KIAA0825: variants seen among roughly 807,000 people sequenced by gnomAD.
KIAA0825 encodes uncharacterized protein KIAA0825.
KIAA0825 carries 119 observed loss-of-function variants against 147.6 expected under a neutral mutation model. The ratio of observed to expected loss-of-function variants is 0.81; its 90% CI spans 0.69 to 0.94. The LOEUF (loss-of-function observed/expected upper bound fraction) is 0.94. KIAA0825 is among the 40% of genes least tolerant of loss of function. The pLI is 0.00. For missense variants in KIAA0825, 1,381 were observed against 1,472.7 expected (o/e 0.94, Z 1.02); for synonymous variants, 470 against 518.1 (o/e 0.91, Z 1.26).
chr5:94,341,734 TA>T lies in KIAA0825; in HGVS notation c.3710+42633del, dbSNP rs199805646. ...GGATTGCTTTTTCAATCTAGTGAAA[TA>T]AAAAAAAAGGGAGATTTATCTCTTA... On this transcript the variant is annotated intron_variant, in intron 20 of 20. Coordinates refer to ENST00000682413, the MANE Select transcript of KIAA0825 (RefSeq NM_001145678.3). 8.5e-4 allele frequency among the ~76,000 whole-genome samples: 128 copies of T among 150,016 alleles called. 1 individual carries two copies. The East Asian group carries it at 0.016, about 19-fold the overall frequency.
At chr5:94,525,125 T>C (rs541267318) in intron 3 of KIAA0825, among the ~76,000 whole-genome samples, 8 of 151,924 alleles carry the variant, frequency 5.3e-5, no homozygotes, top group African/African-American at 1.9e-4. Flanking sequence ...TCACCAAAAA[T>C]TGACAGCTAT....
At chr5:94,511,179 G>A (rs573452978) in intron 5 of KIAA0825, among the ~76,000 whole-genome samples, 63 of 152,230 alleles carry the variant, frequency 4.1e-4, no homozygotes, top group African/African-American at 1.3e-3. Flanking sequence ...TAATTCTACC[G>A]GTGCCTTGAT....
rs35084160 is a variant in KIAA0825 at position 94,350,886 on chromosome 5, CT to C, written c.3710+33481del. On this transcript the variant is annotated intron_variant, in intron 20 of 20. Coordinates refer to ENST00000682413, the MANE Select transcript of KIAA0825 (RefSeq NM_001145678.3). ...CTGGAACAAGACAAGGATGTCCACT[CT>C]TTTTTTTTTTTTTTTGGAGATGGAG... Among the ~76,000 whole-genome samples, 839 of 139,182 alleles carry C rather than the reference CT, an allele frequency of 6.0e-3. 2 individuals are homozygous for C. Among genetic ancestry groups the C allele is most frequent in the African/African-American group, 0.016 (603 of 38,098 alleles). 91.3% of individuals were successfully genotyped at this position (139,182 alleles called of 152,430 possible).
In KIAA0825 at chr5:94,569,296, T is replaced by G. The variant is rs529698349; in HGVS notation, c.-2+13137A>C. On this transcript the variant is annotated intron_variant, in intron 2 of 20. Coordinates refer to ENST00000682413, the MANE Select transcript of KIAA0825 (RefSeq NM_001145678.3). ...AACCATTATACCCCCTAAATAAATT[T>G]AAAAAAACCATTAAACCTATACAAC... 167 of 312,040 alleles carry G rather than the reference T, an allele frequency of 5.4e-4. 1 individual carries two copies. Among genetic ancestry groups the G allele is most frequent in the African/African-American group, 3.1e-3 (143 of 45,872 alleles). 19.3% of individuals were successfully genotyped at this position (312,040 alleles called of 1,614,324 possible). A position where few individuals can be genotyped will look rare whatever the true frequency, so the allele number is the denominator to read the frequency against.
At chr5:94,441,013 C>A (rs1025907137) in intron 13 of KIAA0825, among the ~76,000 whole-genome samples, 2 of 152,002 alleles carry the variant, frequency 1.3e-5, no homozygotes, top group Admixed American at 6.6e-5. Context: ...GGAAGGTGGA[C>A]TGAGCAATCT....
At chr5:94,469,284 CCT>C (rs1481898717) in intron 10 of KIAA0825, among the ~76,000 whole-genome samples, 5 of 151,942 alleles carry the variant, frequency 3.3e-5, no homozygotes, top group Non-Finnish European at 7.4e-5. Flanking sequence ...CATTCTCCTG[CCT>C]CAGCCTCCTG....
rs1487682152 is a variant in KIAA0825 at position 94,593,090 on chromosome 5, A to T, written c.-152-10507T>A. The T allele has an allele frequency of 6.9e-6, 5 of 723,730 alleles. No individual in the cohort carries two copies. In the East Asian group the frequency reaches 1.0e-4, roughly 15 times the overall value. The allele number at this position is 723,730 out of a possible 1,614,324, so 44.8% of individuals were successfully genotyped here. A position where few individuals can be genotyped will look rare whatever the true frequency, so the allele number is the denominator to read the frequency against. ...ACTCTTCATAATTTAGCTACAAATA[A>T]ATTCAAATTAATGAATGGCAATACC... On this transcript the variant is annotated intron_variant, in intron 1 of 20. Transcript: ENST00000682413.
Position 94,151,146 on chromosome 5 carries a change from G to A in KIAA0825, c.*2861C>T, listed in dbSNP as rs1229951128. 6.6e-6 allele frequency among the ~76,000 whole-genome samples: 1 copy of A among 151,932 alleles called. No homozygotes were observed. Among genetic ancestry groups the A allele is most frequent in the African/African-American group, 2.4e-5 (1 of 41,392 alleles). ...TACTTAAAAAAACATGGCCGGGCGC[G>A]GTGGCTCACGCCTGTAATCCCAGCA... On this transcript the variant is annotated 3_prime_UTR_variant, in exon 21 of 21. Transcript: ENST00000682413.
At chr5:94,559,064 G>C (rs1777089156) in intron 2 of KIAA0825, among the ~76,000 whole-genome samples, 1 of 152,056 alleles carries the variant, frequency 6.6e-6, no homozygotes, top group Non-Finnish European at 1.5e-5. Flanking sequence ...AAATACATTT[G>C]TATGCTTTTC....
At chr5:94,592,762 G>C (rs1023050455) in intron 1 of KIAA0825, 3 of 346,478 alleles carry the variant, frequency 8.7e-6, no homozygotes, top group Non-Finnish European at 1.7e-5. Context: ...GAAAATTTGT[G>C]ATGTAAATCA....
intron 20 of KIAA0825, among the ~76,000 whole-genome samples, chr5:94,260,814 G>C (rs1776454456): frequency 6.6e-6 from 1 of 152,052 alleles, no homozygotes; most frequent in African/African-American, 2.4e-5. Context: ...AGTTGCAAGT[G>C]GCAATTTTGC....
chr5:94,304,635 G>T (rs370628481), intron 20 of KIAA0825, among the ~76,000 whole-genome samples: 1 of 151,792 alleles, frequency 6.6e-6, no homozygotes, highest in South Asian at 2.1e-4. Context: ...AGAGGCCAAA[G>T]TGAGCCATTA....
At chr5:94,607,342 G>C (rs767989681) in intron 1 of KIAA0825, among the ~76,000 whole-genome samples, 8 of 152,076 alleles carry the variant, frequency 5.3e-5, no homozygotes, top group Non-Finnish European at 1.2e-4. Context: ...AGGAAATCAG[G>C]CTGGGTGCGG....
At chr5:94,158,065 C>T (rs1767200380) in intron 20 of KIAA0825, among the ~76,000 whole-genome samples, 1 of 152,148 alleles carries the variant, frequency 6.6e-6, no homozygotes, top group Non-Finnish European at 1.5e-5. Context: ...AATAAGAGCA[C>T]AGGCCCTAGA....
intron 1 of KIAA0825, among the ~76,000 whole-genome samples, chr5:94,587,673 T>A (rs1191779119): frequency 6.6e-6 from 1 of 152,210 alleles, no homozygotes; most frequent in African/African-American, 2.4e-5. Context: ...AATGACTTTC[T>A]TCACAGAATT....
intron 20 of KIAA0825, among the ~76,000 whole-genome samples, chr5:94,373,096 T>A (rs190156052): frequency 9.2e-5 from 14 of 152,312 alleles, no homozygotes; most frequent in Non-Finnish European, 1.3e-4. Context: ...AGCATTTTGG[T>A]TAAAGCCATT....
intron 2 of KIAA0825, among the ~76,000 whole-genome samples, chr5:94,564,154 T>C (rs1778112476): frequency 6.6e-6 from 1 of 151,980 alleles, no homozygotes; most frequent in African/African-American, 2.4e-5. Flanking sequence ...TTCTACCATT[T>C]CTATCTTGAA....
chr5:94,211,388 G>C (rs1366536325), intron 20 of KIAA0825, among the ~76,000 whole-genome samples: 1 of 152,072 alleles, frequency 6.6e-6, no homozygotes, highest in Admixed American at 6.6e-5. Flanking sequence ...CTTCAAATGA[G>C]TGACTATCTT....
At chr5:94,390,972 T>G (rs902929367) in intron 18 of KIAA0825, among the ~76,000 whole-genome samples, 2 of 152,224 alleles carry the variant, frequency 1.3e-5, no homozygotes, top group Non-Finnish European at 2.9e-5. Context: ...ATTTACATTT[T>G]CAATAAAACA....
Sources: gnomAD v4.1 joint callset for allele counts (sites outside exome capture counted in the v4.1 genomes callset) on GRCh38, gnomAD v4.1.1 for gene constraint, MANE v1.5 for transcripts, NCBI Gene and HGNC (gene_info 2026-07-23, HGNC 2026-07-21) for gene names.